The following NOP14 variants were observed in gnomAD, a reference collection of about 807,000 sequenced individuals.
NOP14 encodes the protein NOP14 nucleolar protein.
A neutral mutation model predicts 101.6 loss-of-function variants in NOP14; 57 were observed. That is an observed-to-expected ratio of 0.56 (90% CI 0.45 to 0.70). The LOEUF is 0.70. Ranked by LOEUF, NOP14 falls within the 30% of genes least tolerant of loss-of-function variation. NOP14 has a pLI of 0.00. For missense variants in NOP14, 1,134 were observed against 1,075.5 expected (o/e 1.05, Z -0.76); for synonymous variants, 428 against 424.0 (o/e 1.01, Z -0.12).
chr4:2,958,951 A>G (rs981928898), intron 1 of NOP14, among the ~76,000 whole-genome samples: 1 of 152,258 alleles, frequency 6.6e-6, no homozygotes, highest in African/African-American at 2.4e-5. Flanking sequence ...CAGGGACAGA[A>G]GCACGACCTG....
intron 1 of NOP14, among the ~76,000 whole-genome samples, chr4:2,960,672 AATATT>A (rs1014059872): frequency 7.2e-6 from 1 of 138,960 alleles, no homozygotes; most frequent in Non-Finnish European, 1.5e-5. Flanking sequence ...TTATTATATT[AATATT>A]ATATTAATAT....
rs546990506 is a variant in NOP14 at position 2,950,182 on chromosome 4, T to G, written c.1034A>C (p.Gln345Pro). 6.2e-7 allele frequency: 1 copy of G among 1,614,050 alleles called. No individual in the cohort carries two copies. Among genetic ancestry groups the G allele is most frequent in the South Asian group, 1.1e-5 (1 of 91,088 alleles). Residue 345 changes from glutamine (Q) to proline (P), a missense_variant, in exon 8 of 18, where the codon CAG becomes CCG. Physicochemically the swap from Gln to Pro is moderately conservative, Grantham distance 76 (BLOSUM62 -1). Transcript: ENST00000416614. ...ACTGGCTTCCTTGCTTTGCTCTTCC[T>G]GGACATCTTCCTCGACATTCATCTT... ...DGKMNVEEDV[Q>P]EEQSKEASDP...
intron 1 of NOP14, among the ~76,000 whole-genome samples, chr4:2,960,756 C>CATTAATATTAATATATTAATATAATT (rs1715716423): frequency 1.2e-5 from 1 of 83,264 alleles, no homozygotes; most frequent in Non-Finnish European, 2.6e-5. Flanking sequence ...ATATTATAAT[C>CATTAATATTAATATATTAATATAATT]ACATTAATAT....
chr4:2,941,749 G>A lies in NOP14; in HGVS notation c.2052-20C>T. 7.5e-6 allele frequency: 12 copies of A among 1,608,546 alleles called. No homozygotes were observed. Among genetic ancestry groups the A allele is most frequent in the African/African-American group, 1.3e-5 (1 of 74,996 alleles). On this transcript the variant is annotated intron_variant, in intron 14 of 17. Coordinates refer to ENST00000416614, the MANE Select transcript of NOP14 (RefSeq NM_001291978.2). ...GACAGTCTGTGAGGGCAGGAGGCAA[G>A]AGGAGGTCCAACTTGTTCTGTTTGT...
chr4:2,947,567 T>C lies in NOP14; in HGVS notation c.1458A>G (p.Thr486=). 1 of 1,614,076 alleles carries C rather than the reference T, an allele frequency of 6.2e-7. No homozygotes were observed. Among genetic ancestry groups the C allele is most frequent in the East Asian group, 2.2e-5 (1 of 44,904 alleles). ...TGACTGTGAGGTCTGGTGGGTCATC[T>C]GTAGCCAAATCGCCAACGTATTCCA... The part of the protein sequence containing the change: ...FLLEYVGDLA[T]DDPPDLTVID... The change falls in exon 10 of 18, where the codon ACA becomes ACG. Residue 486 remains threonine, a synonymous_variant. Coordinates refer to ENST00000416614, the MANE Select transcript of NOP14 (RefSeq NM_001291978.2).
chr4:2,943,122 G>T (rs1022642328), intron 13 of NOP14, among the ~76,000 whole-genome samples: 1 of 152,206 alleles, frequency 6.6e-6, no homozygotes, highest in Non-Finnish European at 1.5e-5. Flanking sequence ...GTGGGCGGCC[G>T]CGCCCCTCTG....
At chr4:2,957,469 G>A in intron 2 of NOP14, 137 bp downstream of exon 2, 2 of 993,650 alleles carry the variant, frequency 2.0e-6, no homozygotes, top group Non-Finnish European at 3.0e-6. Context: ...GCCAGATAAG[G>A]CACAGGATTC....
At chr4:2,942,893 T>C (rs12502773) in intron 13 of NOP14, among the ~76,000 whole-genome samples, 70,769 of 151,740 alleles carry the variant, frequency 0.47, 17,647 homozygotes, top group African/African-American at 0.63. Flanking sequence ...AGGCCGAGGG[T>C]GTGGCTACAC....
chr4:2,957,744 G>C lies in NOP14; in HGVS notation c.196-4C>G, dbSNP rs1417978605. On this transcript the variant is annotated splice_polypyrimidine_tract_variant and splice_region_variant and intron_variant, in intron 1 of 17. Transcript: ENST00000416614. ...CTTTTAGTAAAGTCTGTGTACGCTG[G>C]AAAACAGGTCAGAAACAATCTCACA... is the stretch of plus-strand genomic sequence containing the variant. The C allele has an allele frequency of 6.2e-7, 1 of 1,612,944 alleles. No homozygotes were observed. The highest frequency in any genetic ancestry group is 1.3e-5 in the African/African-American group (1 of 74,826).
chr4:2,944,834 C>T (rs1006406676), intron 12 of NOP14, among the ~76,000 whole-genome samples: 9 of 152,224 alleles, frequency 5.9e-5, no homozygotes, highest in African/African-American at 2.2e-4. Flanking sequence ...AAAAAGGGAA[C>T]AAAAGCCCTT....
intron 11 of NOP14, among the ~76,000 whole-genome samples, chr4:2,945,927 T>G (rs1012419272): frequency 5.3e-5 from 8 of 150,798 alleles, no homozygotes; most frequent in African/African-American, 1.5e-4. Context: ...TCACTCCAGA[T>G]CACCCTCACT....
In NOP14 at chr4:2,938,448, A is replaced by G; in HGVS notation, c.*383T>C. 7 of 349,796 alleles carry G rather than the reference A, an allele frequency of 2.0e-5. No homozygotes were observed. The highest frequency in any genetic ancestry group is 2.8e-5 in the Non-Finnish European group (5 of 179,488). 21.7% of individuals were successfully genotyped at this position (349,796 alleles called of 1,614,324 possible). On this transcript the variant is annotated 3_prime_UTR_variant, in exon 18 of 18. Coordinates refer to ENST00000416614, the MANE Select transcript of NOP14 (RefSeq NM_001291978.2). The stretch of plus-strand genomic sequence containing the variant: ...GGCAGGAGAATCGCTTGAACCCAGG[A>G]GGTGGAGGTTGTGCCATTGCACTCC...
intron 1 of NOP14, among the ~76,000 whole-genome samples, chr4:2,962,642 A>G (rs1302966918): frequency 1.3e-5 from 2 of 151,862 alleles, no homozygotes. Flanking sequence ...CTGCTAATGT[A>G]TGTTCCTCAG....
At chr4:2,954,660 T>G in intron 3 of NOP14, 97 bp from the exon 4 acceptor site, 23 of 1,430,100 alleles carry the variant, frequency 1.6e-5, no homozygotes, top group Non-Finnish European at 1.9e-5. Flanking sequence ...CATAGTGGTC[T>G]GGAAAAGTCC....
Position 2,942,678 on chromosome 4 carries a change from C to T in NOP14, c.1892-327G>A, listed in dbSNP as rs1479799847. Among the ~76,000 whole-genome samples the T allele has an allele frequency of 2.6e-5, 4 of 152,210 alleles. No homozygotes were observed. The East Asian group carries it at 7.7e-4, about 29-fold the overall frequency. ...CCGGGAACAGACTGAAGTCCCTGCC[C>T]CTGTCGGGGAGACAGGCAGTGCACA... On this transcript the variant is annotated intron_variant, in intron 13 of 17. Coordinates refer to ENST00000416614, the MANE Select transcript of NOP14 (RefSeq NM_001291978.2).
At chr4:2,941,522 C>A (rs1227519077) in intron 15 of NOP14, 60 bp downstream of exon 15, 22 of 1,533,238 alleles carry the variant, frequency 1.4e-5, no homozygotes, top group Non-Finnish European at 1.9e-5. Context: ...ACCAGCTTGG[C>A]CCCAGCTCAG....
intron 1 of NOP14, among the ~76,000 whole-genome samples, chr4:2,959,982 T>A (rs1030544468): frequency 3.9e-5 from 6 of 151,962 alleles, no homozygotes; most frequent in African/African-American, 1.5e-4. Flanking sequence ...TTTTTTTTTT[T>A]TTTTAAAGAT....
Position 2,938,794 on chromosome 4 carries a change from T to C in NOP14, c.*37A>G. ...GAGGGTTGGAATTGCAGATGTGAGG[T>C]AATGTCCAGTTCCTTGCCTTATTTA... On this transcript the variant is annotated 3_prime_UTR_variant, in exon 18 of 18. Coordinates refer to ENST00000416614, the MANE Select transcript of NOP14 (RefSeq NM_001291978.2). 1 of 1,532,718 alleles carries C rather than the reference T, an allele frequency of 6.5e-7. No individual in the cohort carries two copies. The highest frequency in any genetic ancestry group is 9.0e-7 in the Non-Finnish European group (1 of 1,108,592). 94.9% of individuals were successfully genotyped at this position (1,532,718 alleles called of 1,614,324 possible). A position where few individuals can be genotyped will look rare whatever the true frequency, so the allele number is the denominator to read the frequency against.
chr4:2,946,351 T>C, intron 11 of NOP14, 61 bp downstream of exon 11: 1 of 1,601,934 alleles, frequency 6.2e-7, no homozygotes, highest in Non-Finnish European at 8.5e-7. Flanking sequence ...GTCGTCCACC[T>C]TCTGTGATGC....
Sources: gnomAD v4.1 joint callset for allele counts (sites outside exome capture counted in the v4.1 genomes callset) on GRCh38, gnomAD v4.1.1 for gene constraint, MANE v1.5 for transcripts, NCBI Gene and HGNC (gene_info 2026-07-23, HGNC 2026-07-21) for gene names.